ADGB: variants seen among roughly 807,000 people sequenced by gnomAD.
ADGB encodes the protein androglobin, also known as calpain-7-like protein.
ADGB carries 172 observed loss-of-function variants against 210.5 expected under a neutral mutation model. The observed-to-expected ratio is 0.82, with a 90% CI of 0.72 to 0.93. ADGB has a LOEUF of 0.93. Ranked by LOEUF, ADGB falls within the 40% of genes least tolerant of loss-of-function variation. The pLI, the probability that ADGB is intolerant of heterozygous loss-of-function variation, is 0.00. For missense variants in ADGB, 2,025 were observed against 1,964.8 expected, an observed-to-expected ratio of 1.03 and a Z score of -0.58; for synonymous variants, 658 against 662.7, an observed-to-expected ratio of 0.99 and a Z score of 0.11.
chr6:146,809,782 A>G (rs79124307), intron 35 of ADGB, among the ~76,000 whole-genome samples: 5 of 151,668 alleles, frequency 3.3e-5, no homozygotes, highest in Admixed American at 1.3e-4. Context: ...TAAAATAGGA[A>G]CATTGCCCTA....
chr6:146,666,758 A>T, intron 6 of ADGB, 58 bp from the exon 7 acceptor site: 1 of 1,016,914 alleles, frequency 9.8e-7, no homozygotes, highest in Non-Finnish European at 1.5e-6. Flanking sequence ...TAGTTCTTAT[A>T]TATCTTTATG....
intron 3 of ADGB, among the ~76,000 whole-genome samples, chr6:146,649,138 GGTA>G (rs1229462544): frequency 2.0e-5 from 3 of 150,616 alleles, no homozygotes; most frequent in African/African-American, 4.9e-5. Flanking sequence ...ATTAAACAAA[GGTA>G]GTCATTATTT....
At chr6:146,614,176 T>TCTCCCTCCCTCCCTCC (rs147963385) in intron 1 of ADGB, among the ~76,000 whole-genome samples, 1 of 139,342 alleles carries the variant, frequency 7.2e-6, no homozygotes, top group Admixed American at 7.1e-5. Flanking sequence ...ACTTGTTTTC[T>TCTCCCTCCCTCCCTCC]CTCCCTCCCT....
At chr6:146,699,263 G>A (rs1471121116) in intron 12 of ADGB, among the ~76,000 whole-genome samples, 3 of 152,134 alleles carry the variant, frequency 2.0e-5, no homozygotes, top group Non-Finnish European at 2.9e-5. Flanking sequence ...TCAGTAGCAC[G>A]TGGTTCAGTC....
intron 13 of ADGB, among the ~76,000 whole-genome samples, chr6:146,710,161 T>C (rs1010351519): frequency 6.6e-6 from 1 of 151,094 alleles, no homozygotes; most frequent in Non-Finnish European, 1.5e-5. Flanking sequence ...ATTATGATTA[T>C]ATATGATTGA....
intron 13 of ADGB, among the ~76,000 whole-genome samples, chr6:146,704,626 C>G (rs1160450775): frequency 2.0e-5 from 3 of 152,060 alleles, no homozygotes; most frequent in Admixed American, 6.6e-5. Context: ...ATTTTTGACT[C>G]TCTACTCTGT....
At position 146,815,109 on chromosome 6, in the gene ADGB, C is replaced by T. The variant is rs1455597946; in HGVS notation, c.4896C>T (p.His1632=). 1 of 1,548,340 alleles carries T rather than the reference C, an allele frequency of 6.5e-7. No individual in the cohort carries two copies. Among genetic ancestry groups the T allele is most frequent in the African/African-American group, 1.4e-5 (1 of 72,654 alleles). ...GAAACAAATTGCTGGAAGCTGAGCA[C>T]CTAAAGCTGGAAACTCTGGCTGCTC... ...EYRNKLLEAE[H]LKLETLAAQE... The change falls in exon 36 of 36, where the codon CAC becomes CAT. Residue 1632 remains histidine (H), a synonymous_variant. Coordinates refer to ENST00000397944, the MANE Select transcript of ADGB (RefSeq NM_024694.4).
chr6:146,735,535 C>T (rs1290742759), intron 22 of ADGB, among the ~76,000 whole-genome samples: 1 of 152,182 alleles, frequency 6.6e-6, no homozygotes, highest in African/African-American at 2.4e-5. Context: ...ATGAGCTAAT[C>T]ACCTCTTAAA....
chr6:146,725,976 C>A, intron 18 of ADGB, 107 bp from the exon 19 acceptor site: 1 of 632,450 alleles, frequency 1.6e-6, no homozygotes, highest in Non-Finnish European at 2.8e-6. Context: ...GAACTCTTCC[C>A]TAACCTTTTA....
chr6:146,670,827 A>T (rs942229009), intron 7 of ADGB, among the ~76,000 whole-genome samples: 14 of 152,268 alleles, frequency 9.2e-5, no homozygotes, highest in African/African-American at 1.7e-4. Context: ...TAAAAAAAAA[A>T]TTTTTAAAGG....
chr6:146,715,975 G>A (rs1776726793), intron 14 of ADGB, among the ~76,000 whole-genome samples: 1 of 150,820 alleles, frequency 6.6e-6, no homozygotes, highest in East Asian at 2.0e-4. Context: ...GGCTGAGGCA[G>A]GAGAATCTCT....
chr6:146,720,531 G>A (rs1776797376), intron 16 of ADGB, among the ~76,000 whole-genome samples: 1 of 152,134 alleles, frequency 6.6e-6, no homozygotes. Context: ...AGCAAGCAAT[G>A]GGTATTGAGT....
intron 3 of ADGB, among the ~76,000 whole-genome samples, chr6:146,653,878 T>G (rs1388391763): frequency 6.6e-6 from 1 of 152,184 alleles, no homozygotes; most frequent in Admixed American, 6.5e-5. Flanking sequence ...TGTTTATTTC[T>G]TATTTCTCTG....
chr6:146,757,483 A>G (rs1777424637), intron 27 of ADGB, among the ~76,000 whole-genome samples: 1 of 151,792 alleles, frequency 6.6e-6, no homozygotes, highest in African/African-American at 2.4e-5. Context: ...AAAATTGTAT[A>G]TTATATGATA....
chr6:146,609,020 T>C (rs1178073121), intron 1 of ADGB, among the ~76,000 whole-genome samples: 3 of 152,222 alleles, frequency 2.0e-5, no homozygotes, highest in Non-Finnish European at 2.9e-5. Context: ...TTCATAGTTC[T>C]CTAGGAACTT....
chr6:146,684,084 C>T (rs776469603), intron 9 of ADGB, among the ~76,000 whole-genome samples: 13 of 152,038 alleles, frequency 8.6e-5, no homozygotes, highest in South Asian at 2.1e-4. Flanking sequence ...GGAAACTCAG[C>T]TGACTTTTTG....
chr6:146,725,783 G>T (rs1292135570), intron 18 of ADGB: 3 of 225,256 alleles, frequency 1.3e-5, no homozygotes, highest in South Asian at 1.6e-4. Flanking sequence ...GAGAAATCAA[G>T]ACTAGTCTTC....
chr6:146,669,044 A>G (rs1320291205), intron 7 of ADGB, among the ~76,000 whole-genome samples: 1 of 152,134 alleles, frequency 6.6e-6, no homozygotes, highest in African/African-American at 2.4e-5. Context: ...TTTATGTGGT[A>G]GATGGGAAAT....
At chr6:146,749,459 G>T (rs1482524389) in intron 26 of ADGB, among the ~76,000 whole-genome samples, 1 of 152,140 alleles carries the variant, frequency 6.6e-6, no homozygotes, top group Non-Finnish European at 1.5e-5. Context: ...CAAACAGGAG[G>T]GAAAGTACAA....
Sources: allele counts gnomAD v4.1 joint callset (sites outside exome capture counted in the v4.1 genomes callset), GRCh38; gene constraint gnomAD v4.1.1; transcripts MANE v1.5; gene names NCBI Gene and HGNC (gene_info 2026-07-23, HGNC 2026-07-21).